The following DDC variants were observed in gnomAD, a reference collection of about 807,000 sequenced individuals.
DDC encodes the protein dopa decarboxylase.
A neutral mutation model predicts 60.0 loss-of-function variants in DDC; 43 were observed. That is an observed-to-expected ratio of 0.72 (90% CI 0.56 to 0.92). DDC has a LOEUF of 0.92. DDC is among the 40% of genes least tolerant of loss of function. The pLI, the probability that DDC is intolerant of heterozygous loss-of-function variation, is 0.00. For missense variants in DDC, 573 were observed against 620.2 expected, an observed-to-expected ratio of 0.92 and a Z score of 0.81; for synonymous variants, 232 against 234.6, an observed-to-expected ratio of 0.99 and a Z score of 0.10.
chr7:50,474,402 A>G (rs1194122377), intron 11 of DDC, among the ~76,000 whole-genome samples: 1 of 152,202 alleles, frequency 6.6e-6, no homozygotes, highest in East Asian at 1.9e-4. Flanking sequence ...TGGAGGGAGT[A>G]GGATGAAGAA....
At chr7:50,559,316 G>A (rs895334809) in intron 1 of DDC, among the ~76,000 whole-genome samples, 3 of 152,162 alleles carry the variant, frequency 2.0e-5, no homozygotes, top group African/African-American at 7.2e-5. Context: ...TTTCTACGAG[G>A]TCCTGTGCCC....
intron 6 of DDC, among the ~76,000 whole-genome samples, chr7:50,522,486 A>G (rs2043919717): frequency 6.6e-6 from 1 of 152,240 alleles, no homozygotes. Context: ...ACAGTGTTTG[A>G]GATCTGACAT....
At chr7:50,532,354 C>A (rs2044245780) in intron 4 of DDC, among the ~76,000 whole-genome samples, 1 of 152,204 alleles carries the variant, frequency 6.6e-6, no homozygotes, top group Non-Finnish European at 1.5e-5. Flanking sequence ...TACCCAAATG[C>A]TAAAGACTTG....
intron 1 of DDC, among the ~76,000 whole-genome samples, chr7:50,544,760 A>G (rs1563045407): frequency 6.6e-6 from 1 of 152,244 alleles, no homozygotes; most frequent in African/African-American, 2.4e-5. Flanking sequence ...TATCTACAAC[A>G]GTTGCCATGG....
chr7:50,564,229 C>T (rs140523907), intron 1 of DDC: 7 of 152,342 alleles, frequency 4.6e-5, no homozygotes, highest in African/African-American at 1.7e-4. Flanking sequence ...TCATCTTCAT[C>T]CTACACCGCA....
intron 8 of DDC, among the ~76,000 whole-genome samples, chr7:50,496,000 G>T (rs918148790): frequency 2.6e-5 from 4 of 152,130 alleles, no homozygotes; most frequent in East Asian, 1.9e-4. Context: ...CAGTAGATAG[G>T]GGTAAACCCA....
intron 14 of DDC, among the ~76,000 whole-genome samples, chr7:50,461,045 A>AT (rs1562975605): frequency 2.0e-5 from 3 of 151,160 alleles, no homozygotes; most frequent in East Asian, 3.9e-4. Context: ...AGAATGATCA[A>AT]TAAAAAAAAA....
intron 9 of DDC, among the ~76,000 whole-genome samples, chr7:50,492,413 C>T (rs1411901333): frequency 6.6e-6 from 1 of 152,174 alleles, no homozygotes; most frequent in African/African-American, 2.4e-5. Flanking sequence ...AGCATCTCAC[C>T]AAATTCTTTG....
chr7:50,471,577 T>G (rs577366698), intron 11 of DDC, among the ~76,000 whole-genome samples: 1 of 152,044 alleles, frequency 6.6e-6, no homozygotes, highest in South Asian at 2.1e-4. Context: ...CCCTGCCCGG[T>G]GTGTTGACAC....
chr7:50,460,206 G>A (rs1347258071), intron 14 of DDC, among the ~76,000 whole-genome samples: 6 of 144,680 alleles, frequency 4.1e-5, no homozygotes, highest in Middle Eastern at 4.0e-3. Context: ...CCCCTGGCCC[G>A]GCCAGCCGCC....
chr7:50,476,625 C>T lies in DDC; in HGVS notation c.1040G>A (p.Arg347Gln), dbSNP rs201951824. 3.9e-5 allele frequency: 63 copies of T among 1,612,320 alleles called. No individual in the cohort carries two copies. The highest frequency in any genetic ancestry group is 7.7e-5 in the South Asian group (7 of 91,046). The change falls in exon 11 of 15, where the codon CGG (arginine) becomes CAG (glutamine). Residue 347 changes from arginine to glutamine, a missense_variant and splice_region_variant. Physicochemically the swap from Arg to Gln is conservative, Grantham distance 43. Transcript: ENST00000444124. ...HQDSGLITDY[R>Q]HWQIPLGRRF... is the part of the protein sequence containing the mutation. ...ATTACAGTGGAATCTCCCACTTACCCGGTAGTCAGTGATAAGCCCTGGAGA... is the reference window on the plus strand; with the variant it reads ...ATTACAGTGGAATCTCCCACTTACCTGGTAGTCAGTGATAAGCCCTGGAGA...
At chr7:50,556,718 C>A (rs2045200051) in intron 1 of DDC, among the ~76,000 whole-genome samples, 1 of 152,224 alleles carries the variant, frequency 6.6e-6, no homozygotes, top group Non-Finnish European at 1.5e-5. Flanking sequence ...GGACTTTGCA[C>A]TGGGTCCTAA....
intron 1 of DDC, among the ~76,000 whole-genome samples, chr7:50,551,229 C>CTTT (rs58446864): frequency 7.5e-6 from 1 of 133,024 alleles, no homozygotes. Context: ...TTCCGTTGTA[C>CTTT]TTTTTTTTTT....
chr7:50,468,572 G>A (rs1268820479), intron 12 of DDC, among the ~76,000 whole-genome samples: 1 of 152,114 alleles, frequency 6.6e-6, no homozygotes, highest in African/African-American at 2.4e-5. Context: ...TGTCCTCACC[G>A]AAGCTTTGGG....
intron 9 of DDC, among the ~76,000 whole-genome samples, chr7:50,487,934 A>G: frequency 6.6e-6 from 1 of 152,164 alleles, no homozygotes; most frequent in East Asian, 1.9e-4. Context: ...AAAGAGAATT[A>G]TCTTTGTGTA....
In DDC at chr7:50,543,960, G is replaced by T. The variant is rs1036679784; in HGVS notation, c.126C>A (p.Ile42=). The change falls in exon 2 of 15, where the codon ATC becomes ATA. Residue 42 remains isoleucine, a synonymous_variant. Coordinates refer to ENST00000444124, the MANE Select transcript of DDC (RefSeq NM_001082971.2). ...CTGGCTCCTGAGGGGCAGCGGCAGG[G>T]ATCAGCGGCCGCAGGTACCCGGGCT... ...DVEPGYLRPL[I]PAAAPQEPDT... is the part of the protein sequence containing the mutation. The T allele has an allele frequency of 6.2e-7, 1 of 1,614,180 alleles. No homozygotes were observed. The highest frequency in any genetic ancestry group is 8.5e-7 in the Non-Finnish European group (1 of 1,180,038).
At chr7:50,504,436 A>T (rs2043338287) in intron 6 of DDC, among the ~76,000 whole-genome samples, 1 of 151,772 alleles carries the variant, frequency 6.6e-6, no homozygotes, top group Non-Finnish European at 1.5e-5. Context: ...ATATATATGT[A>T]TGTGTGTATA....
At chr7:50,524,863 A>G (rs2043996673) in intron 6 of DDC, among the ~76,000 whole-genome samples, 1 of 152,200 alleles carries the variant, frequency 6.6e-6, no homozygotes. Flanking sequence ...GTCCACCCAA[A>G]CACCTATACA....
chr7:50,555,794 A>G (rs1288677023), intron 1 of DDC, among the ~76,000 whole-genome samples: 1 of 152,138 alleles, frequency 6.6e-6, no homozygotes, highest in African/African-American at 2.4e-5. Context: ...AGGCTGCACA[A>G]CTGAACCAAG....
Sources: allele counts gnomAD v4.1 joint callset (sites outside exome capture counted in the v4.1 genomes callset), GRCh38; gene constraint gnomAD v4.1.1; transcripts MANE v1.5; gene names NCBI Gene and HGNC (gene_info 2026-07-23, HGNC 2026-07-21).